N4BP2L2: variants seen among roughly 807,000 people sequenced by gnomAD.
The protein encoded by N4BP2L2 is NEDD4 binding protein 2 like 2.
In N4BP2L2, 50 loss-of-function variants were observed where a neutral mutation model predicts 56.2. The observed-to-expected ratio is 0.89, with a 90% CI of 0.71 to 1.13. N4BP2L2 has a LOEUF of 1.13. Among genes scored for constraint, N4BP2L2 ranks in the 50% most tolerant of loss-of-function variants. N4BP2L2 has a pLI of 0.00. For missense variants in N4BP2L2, 689 were observed against 693.8 expected (o/e 0.99, Z 0.08); for synonymous variants, 203 against 223.6 (o/e 0.91, Z 0.82).
At chr13:32,453,298 G>C (rs529503160) in intron 6 of N4BP2L2, among the ~76,000 whole-genome samples, 2 of 152,080 alleles carry the variant, frequency 1.3e-5, no homozygotes, top group Non-Finnish European at 2.9e-5. Context: ...CAGCAAAAAT[G>C]GTTGAGTAAC....
rs907503670 is a variant in N4BP2L2, at chr13:32,500,288, T to A, written c.365+17569A>T. 3.9e-4 allele frequency among the ~76,000 whole-genome samples: 59 copies of A among 152,340 alleles called. 1 individual carries two copies. Among genetic ancestry groups the A allele is most frequent in the African/African-American group, 1.3e-3 (56 of 41,576 alleles). On this transcript the variant is annotated intron_variant, in intron 6 of 9. Coordinates refer to the N4BP2L2 transcript ENST00000357505. The stretch of plus-strand genomic sequence containing the variant: ...AACAATTATTTAACTATTGATGAGC[T>A]GCTTTTCATTTCCTTTCTCTACTGA...
chr13:32,526,818 G>GTCTTTTTTTTTT (rs2052999901), intron 3 of N4BP2L2: 1 of 24,236 alleles, frequency 4.1e-5, no homozygotes, highest in African/African-American at 1.4e-4. Flanking sequence ...CTTTTTGTCT[G>GTCTTTTTTTTTT]TTTTTTTTTT....
chr13:32,475,254 G>C (rs1056993013), intron 6 of N4BP2L2, among the ~76,000 whole-genome samples: 5 of 152,176 alleles, frequency 3.3e-5, no homozygotes, highest in Non-Finnish European at 7.3e-5. Flanking sequence ...TCCGTTGTCT[G>C]GGCTATATAC....
At chr13:32,531,897 C>T (rs1418834575) in intron 2 of N4BP2L2, among the ~76,000 whole-genome samples, 2 of 152,174 alleles carry the variant, frequency 1.3e-5, no homozygotes, top group African/African-American at 4.8e-5. Context: ...GTTTCCTTGC[C>T]TTTTCCAGCT....
chr13:32,452,233 G>A (rs888905591), intron 6 of N4BP2L2, among the ~76,000 whole-genome samples: 1 of 151,890 alleles, frequency 6.6e-6, no homozygotes, highest in Non-Finnish European at 1.5e-5. Context: ...GGCTAATTTT[G>A]TGTTTTCAGT....
At chr13:32,530,099 A>C (rs759637707) in intron 2 of N4BP2L2, among the ~76,000 whole-genome samples, 1 of 152,138 alleles carries the variant, frequency 6.6e-6, no homozygotes, top group Admixed American at 6.5e-5. Context: ...AAACGGTTTA[A>C]ATTTTCTCAA....
At chr13:32,506,510 C>T (rs1281901955), downstream of N4BP2L2, 1 of 151,990 alleles carries the variant, frequency 6.6e-6, no homozygotes, top group East Asian at 1.9e-4. Context: ...GATGACCAAG[C>T]AACAGTGAGC....
chr13:32,486,006 G>C (rs2085769949), intron 6 of N4BP2L2, among the ~76,000 whole-genome samples: 2 of 152,180 alleles, frequency 1.3e-5, no homozygotes, highest in Admixed American at 1.3e-4. Context: ...GGAGGCAGAG[G>C]TTGCGGTGAA....
chr13:32,442,385 T>C (rs770053883), intron 7 of N4BP2L2: 1 of 1,567,562 alleles, frequency 6.4e-7, no homozygotes. Flanking sequence ...GAAAACAACT[T>C]ACCCATTGGA....
chr13:32,437,626 T>A (rs1174275001), intron 8 of N4BP2L2, among the ~76,000 whole-genome samples: 4 of 152,228 alleles, frequency 2.6e-5, no homozygotes, highest in Admixed American at 6.5e-5. Context: ...AATAGTTACG[T>A]CTGTCACTGT....
chr13:32,495,290 A>G (rs1398004024), intron 6 of N4BP2L2, among the ~76,000 whole-genome samples: 1 of 152,160 alleles, frequency 6.6e-6, no homozygotes, highest in Non-Finnish European at 1.5e-5. Context: ...CTAATCCTGT[A>G]GCCCAGCATA....
exon 6 of N4BP2L2, chr13:32,510,589 C>A (rs576962073): frequency 6.6e-6 from 1 of 151,174 alleles, no homozygotes; most frequent in Non-Finnish European, 1.5e-5. Flanking sequence ...ACCTCTGCCA[C>A]CCAGGTTCAA....
At chr13:32,441,358 G>A (rs2076298802) in intron 7 of N4BP2L2, among the ~76,000 whole-genome samples, 1 of 152,170 alleles carries the variant, frequency 6.6e-6, no homozygotes, top group Non-Finnish European at 1.5e-5. Flanking sequence ...AAAGGAAAGA[G>A]CCACGTGTCA....
chr13:32,489,478 A>C (rs1309307440), intron 6 of N4BP2L2, among the ~76,000 whole-genome samples: 1 of 152,220 alleles, frequency 6.6e-6, no homozygotes, highest in African/African-American at 2.4e-5. Context: ...ATATTTTAAG[A>C]ATACAGATTA....
chr13:32,452,052 T>G (rs2078137069), intron 6 of N4BP2L2, among the ~76,000 whole-genome samples: 1 of 122,054 alleles, frequency 8.2e-6, no homozygotes. Flanking sequence ...GCTTTTTTTC[T>G]TTTTCTTTTT....
intron 6 of N4BP2L2, among the ~76,000 whole-genome samples, chr13:32,487,694 G>A (rs1232304421): frequency 2.6e-5 from 4 of 151,718 alleles, no homozygotes; most frequent in Admixed American, 6.6e-5. Flanking sequence ...AAAAGAAAGA[G>A]GTTATTGTAG....
chr13:32,477,241 A>G, intron 6 of N4BP2L2: 2 of 331,684 alleles, frequency 6.0e-6, no homozygotes, highest in Non-Finnish European at 1.1e-5. Context: ...CAAGGCTTAC[A>G]AGGGCTAAAA....
At chr13:32,435,488 C>T (rs563138434) in intron 9 of N4BP2L2, among the ~76,000 whole-genome samples, 1 of 152,332 alleles carries the variant, frequency 6.6e-6, no homozygotes, top group African/African-American at 2.4e-5. Context: ...CCTGCCTCGG[C>T]CTCCCAAAGT....
intron 8 of N4BP2L2, among the ~76,000 whole-genome samples, chr13:32,437,735 C>T (rs2761366): frequency 0.73 from 111,122 of 152,098 alleles, 41,632 homozygotes; most frequent in African/African-American, 0.89. Context: ...GACTGAGGGC[C>T]GGACAGGAGA....
Sources: allele counts gnomAD v4.1 joint callset (sites outside exome capture counted in the v4.1 genomes callset), GRCh38; gene constraint gnomAD v4.1.1; transcripts MANE v1.5; gene names NCBI Gene and HGNC (gene_info 2026-07-23, HGNC 2026-07-21).